Variants in ACSM1 observed in about 807,000 individuals in gnomAD.
ACSM1 encodes acyl-coenzyme A synthetase ACSM1, mitochondrial.
Under a neutral mutation model 75.8 loss-of-function variants are expected in ACSM1, and 79 were observed. The ratio of observed to expected loss-of-function variants is 1.04; its 90% CI spans 0.87 to 1.26. The LOEUF (loss-of-function observed/expected upper bound fraction) is 1.26, where lower values mean the gene tolerates loss of function less well. Ranked by LOEUF, ACSM1 falls within the 50% of genes most tolerant of loss-of-function variation. The pLI is 0.00. For synonymous variants in ACSM1, 279 were observed against 265.8 expected (o/e 1.05, Z -0.48); for missense variants, 676 against 720.1 (o/e 0.94, Z 0.70).
intron 7 of ACSM1, among the ~76,000 whole-genome samples, chr16:20,649,819 C>T (rs909909838): frequency 3.3e-5 from 5 of 152,204 alleles, no homozygotes; most frequent in Admixed American, 2.0e-4. Flanking sequence ...AACCAAGCTG[C>T]ATCCTGACCA....
chr16:20,689,104 G>A (rs948682600), intron 2 of ACSM1, among the ~76,000 whole-genome samples: 33 of 150,974 alleles, frequency 2.2e-4, no homozygotes, highest in Non-Finnish European at 1.5e-5. Context: ...CATAAAGTGT[G>A]GGGAGGGGCT....
intron 10 of ACSM1, among the ~76,000 whole-genome samples, chr16:20,635,955 A>C (rs566149419): frequency 1.3e-5 from 2 of 152,140 alleles, no homozygotes; most frequent in Admixed American, 1.3e-4. Context: ...TCTTTTATCC[A>C]ATCTTTAAGT....
At chr16:20,662,954 C>A (rs567602846) in intron 6 of ACSM1, among the ~76,000 whole-genome samples, 2 of 152,160 alleles carry the variant, frequency 1.3e-5, no homozygotes, top group South Asian at 2.1e-4. Flanking sequence ...TGGTGACAGA[C>A]AATTGCCTTA....
At chr16:20,678,453 C>G (rs2079359962) in intron 4 of ACSM1, among the ~76,000 whole-genome samples, 1 of 152,184 alleles carries the variant, frequency 6.6e-6, no homozygotes. Context: ...GTTCAGGAAA[C>G]AGAAGCCATG....
intron 4 of ACSM1, among the ~76,000 whole-genome samples, chr16:20,672,279 GGA>G (rs1440042317): frequency 1.3e-5 from 2 of 149,610 alleles, no homozygotes; most frequent in Non-Finnish European, 3.0e-5. Flanking sequence ...AGAGAAAGGG[GGA>G]GAGTAAAAAA....
rs1192210690 is a variant in ACSM1 at position 20,685,332 on chromosome 16, G to A, written c.264C>T (p.Phe88=). Residue 88 remains phenylalanine (F), a synonymous_variant, in exon 3 of 14, where the codon TTC becomes TTT. Transcript: ENST00000520010. ...GGCGGGTTAGGTCTCCCATCTCTCT[G>A]AAGCTCCACTTTACTTCATCCCCTT... The part of the protein sequence containing the change: ...NGQGDEVKWS[F]REMGDLTRRV... 2 of 1,614,158 alleles carry A rather than the reference G, an allele frequency of 1.2e-6. No individual in the cohort carries two copies. The highest frequency in any genetic ancestry group is 2.2e-5 in the South Asian group (2 of 91,090).
chr16:20,691,464 G>A (rs76299783), intron 1 of ACSM1, among the ~76,000 whole-genome samples: 10 of 152,234 alleles, frequency 6.6e-5, no homozygotes, highest in South Asian at 2.1e-4. Flanking sequence ...TTTGGTGCGC[G>A]TTCCTAGGGG....
At chr16:20,691,806 T>TGTGTGTGTGTG (rs1596478335) in intron 1 of ACSM1, among the ~76,000 whole-genome samples, 8 of 144,496 alleles carry the variant, frequency 5.5e-5, no homozygotes, top group South Asian at 4.5e-4. Context: ...TGTGTGTGTG[T>TGTGTGTGTGTG]TTCTAAACAG....
At chr16:20,683,566 C>G (rs968519758) in intron 3 of ACSM1, among the ~76,000 whole-genome samples, 7 of 151,894 alleles carry the variant, frequency 4.6e-5, no homozygotes, top group African/African-American at 1.5e-4. Flanking sequence ...AATGGCCATG[C>G]CTCACCCCAT....
intron 10 of ACSM1, among the ~76,000 whole-genome samples, chr16:20,628,102 T>A (rs2017102628): frequency 6.6e-6 from 1 of 151,232 alleles, no homozygotes; most frequent in Non-Finnish European, 1.5e-5. Flanking sequence ...AGCCTATGAG[T>A]CTAGTATGTT....
intron 4 of ACSM1, among the ~76,000 whole-genome samples, chr16:20,675,768 G>T (rs1351277540): frequency 6.6e-6 from 1 of 152,174 alleles, no homozygotes; most frequent in African/African-American, 2.4e-5. Context: ...TTCAGACCTA[G>T]TCTTTATATT....
At chr16:20,638,471 C>G (rs964972974) in intron 8 of ACSM1, among the ~76,000 whole-genome samples, 3 of 152,136 alleles carry the variant, frequency 2.0e-5, no homozygotes, top group African/African-American at 7.2e-5. Context: ...TAGAGACTGC[C>G]CTATTTATCC....
At chr16:20,676,232 A>G (rs1236065530) in intron 4 of ACSM1, 2 of 152,220 alleles carry the variant, frequency 1.3e-5, no homozygotes, top group African/African-American at 4.8e-5. Flanking sequence ...GCCTCTTAAG[A>G]GGACAAGAGG....
chr16:20,682,381 A>T lies in ACSM1; in HGVS notation c.486T>A (p.Ile162=). Residue 162 remains isoleucine (I), a synonymous_variant, in exon 4 of 14, where the codon ATT becomes ATA. Transcript: ENST00000520010. Reference sequence around the variant, plus strand: ...CTGAGGCAAGGGCATCTATGGTCACAATGCCCTTGGCTTTAGACAACTGTA... The same window carrying T: ...CTGAGGCAAGGGCATCTATGGTCACTATGCCCTTGGCTTTAGACAACTGTA... ...YRLQLSKAKG[I]VTIDALASEV... The T allele has an allele frequency of 6.2e-7, 1 of 1,614,034 alleles. No individual in the cohort carries two copies. Among genetic ancestry groups the T allele is most frequent in the Non-Finnish European group, 8.5e-7 (1 of 1,179,912 alleles).
chr16:20,686,555 T>A (rs2079557524), intron 2 of ACSM1, among the ~76,000 whole-genome samples: 1 of 152,158 alleles, frequency 6.6e-6, no homozygotes, highest in Non-Finnish European at 1.5e-5. Flanking sequence ...AGTTGATAGG[T>A]GCAGAAAACC....
chr16:20,636,479 A>G (rs1265667566), intron 10 of ACSM1, among the ~76,000 whole-genome samples: 1 of 152,156 alleles, frequency 6.6e-6, no homozygotes, highest in Non-Finnish European at 1.5e-5. Flanking sequence ...CAAAGCCTAT[A>G]TTCTTGACTA....
At chr16:20,649,888 T>A (rs1057047006) in intron 7 of ACSM1, among the ~76,000 whole-genome samples, 1 of 152,258 alleles carries the variant, frequency 6.6e-6, no homozygotes, top group East Asian at 1.9e-4. Context: ...TGGTCGCTCA[T>A]ATTTAGCTCA....
intron 4 of ACSM1, among the ~76,000 whole-genome samples, chr16:20,675,762 G>A (rs1228019370): frequency 1.3e-5 from 2 of 152,166 alleles, no homozygotes; most frequent in Non-Finnish European, 2.9e-5. Context: ...AGGGCATTCA[G>A]ACCTAGTCTT....
At chr16:20,624,024 C>T in intron 13 of ACSM1, 72 bp downstream of exon 13, 1 of 1,586,666 alleles carries the variant, frequency 6.3e-7, no homozygotes, top group Non-Finnish European at 8.6e-7. Context: ...TTGTTACCTC[C>T]AGTGATACCT....
Sources: gnomAD v4.1 joint callset for allele counts (sites outside exome capture counted in the v4.1 genomes callset) on GRCh38, gnomAD v4.1.1 for gene constraint, MANE v1.5 for transcripts, NCBI Gene and HGNC (gene_info 2026-07-23, HGNC 2026-07-21) for gene names.